DENND1A: variants seen among roughly 807,000 people sequenced by gnomAD.
DENND1A encodes the protein DENN domain containing 1A, also known as DENN domain-containing protein 1A.
In DENND1A, 51 loss-of-function variants were observed where a neutral mutation model predicts 113.7. The observed-to-expected ratio is 0.45, with a 90% CI of 0.36 to 0.57. The LOEUF is 0.57. DENND1A is among the 20% of genes least tolerant of loss of function. DENND1A has a pLI of 0.00. For synonymous variants in DENND1A, 565 were observed against 570.8 expected (o/e 0.99, Z 0.14); for missense variants, 1,258 against 1,395.9 (o/e 0.90, Z 1.57).
chr9:123,765,472 G>A (rs985699268), intron 4 of DENND1A, among the ~76,000 whole-genome samples: 1 of 152,088 alleles, frequency 6.6e-6, no homozygotes, highest in African/African-American at 2.4e-5. Context: ...TTGCATCTGG[G>A]GTTACATCCT....
intron 13 of DENND1A, among the ~76,000 whole-genome samples, chr9:123,494,624 C>T (rs2051694679): frequency 6.6e-6 from 1 of 152,110 alleles, no homozygotes. Flanking sequence ...CCAGATCATC[C>T]CTATTAAAGG....
At chr9:123,541,426 T>C (rs2056282134) in intron 13 of DENND1A, among the ~76,000 whole-genome samples, 1 of 152,172 alleles carries the variant, frequency 6.6e-6, no homozygotes, top group African/African-American at 2.4e-5. Flanking sequence ...GAACAGATAA[T>C]GACCTTTTAA....
At chr9:123,591,424 G>A (rs545228514) in intron 11 of DENND1A, among the ~76,000 whole-genome samples, 80 of 152,236 alleles carry the variant, frequency 5.3e-4, no homozygotes, top group Non-Finnish European at 7.9e-4. Flanking sequence ...GCAGCACTCA[G>A]CCGGGTTGGG....
Position 123,381,625 on chromosome 9 carries a change from T to G in DENND1A, c.3020A>C (p.Asp1007Ala), listed in dbSNP as rs1160381588. 1.9e-6 allele frequency: 3 copies of G among 1,610,384 alleles called. No individual in the cohort carries two copies. Among genetic ancestry groups the G allele is most frequent in the Non-Finnish European group, 8.5e-7 (1 of 1,179,070 alleles). Residue 1007 changes from aspartate to alanine, a missense_variant, in exon 24 of 24, where the codon GAC becomes GCC. Around this residue, in one of 2 missense-constraint regions of DENND1A, gnomAD observed 1,159 missense variants for 1,231.7 expected, o/e 0.94. Coordinates refer to ENST00000394215, the MANE Select transcript of DENND1A (RefSeq NM_001352964.2). The surrounding 1 kb of genome is among the most constrained non-coding windows in gnomAD (Gnocchi z 4.7). The stretch of plus-strand genomic sequence containing the variant: ...GGGCCTGGGAGGCAGAAGCGGGGGG[T>G]CTCCAGGCCTCAGGGCCAGCCCCTG... ...TKQGLALRPG[D>A]PPLLPPRPPQ...
chr9:123,888,253 G>T (rs1849386709), intron 1 of DENND1A, among the ~76,000 whole-genome samples: 1 of 152,198 alleles, frequency 6.6e-6, no homozygotes, highest in African/African-American at 2.4e-5. Context: ...AAGCCTGAAA[G>T]GGCTTCCACT....
At chr9:123,858,231 T>C (rs1284466518) in intron 2 of DENND1A, among the ~76,000 whole-genome samples, 1 of 152,210 alleles carries the variant, frequency 6.6e-6, no homozygotes, top group Non-Finnish European at 1.5e-5. Context: ...TGATACCACA[T>C]TGTGGTTGTG....
In DENND1A at chr9:123,878,217, AT is replaced by A. The variant is rs1164479607; in HGVS notation, c.88+733del. On this transcript the variant is annotated intron_variant, in intron 2 of 23. Coordinates refer to ENST00000394215, the MANE Select transcript of DENND1A (RefSeq NM_001352964.2). The stretch of plus-strand genomic sequence containing the variant: ...AAACTCCATCTCAAAAAAAAAAAAA[AT>A]AATATTATTATATGCAGGTGTTTTT... Among the ~76,000 whole-genome samples, 141 of 151,152 alleles carry A rather than the reference AT, an allele frequency of 9.3e-4. 1 individual carries two copies. The East Asian group carries it at 0.015, about 16-fold the overall frequency.
chr9:123,466,251 C>T (rs976757040), intron 13 of DENND1A, among the ~76,000 whole-genome samples: 1 of 152,146 alleles, frequency 6.6e-6, no homozygotes, highest in Admixed American at 6.5e-5. Flanking sequence ...CTTGCCTCAG[C>T]CTCCCAAAAT....
chr9:123,397,492 T>C (rs2043194108), intron 21 of DENND1A, among the ~76,000 whole-genome samples: 1 of 152,122 alleles, frequency 6.6e-6, no homozygotes, highest in South Asian at 2.1e-4. Flanking sequence ...TTTATATTAA[T>C]GAAAACCTGG....
At chr9:123,689,278 G>A (rs2065017005) in intron 5 of DENND1A, among the ~76,000 whole-genome samples, 1 of 152,122 alleles carries the variant, frequency 6.6e-6, no homozygotes. Context: ...ACCTGCCTTG[G>A]CCTCCCAAAG....
chr9:123,452,856 C>A (rs1019314462), intron 16 of DENND1A, among the ~76,000 whole-genome samples: 1 of 152,084 alleles, frequency 6.6e-6, no homozygotes, highest in African/African-American at 2.4e-5. Flanking sequence ...CCTTGGTTTT[C>A]TGTGGTGTTT....
At chr9:123,494,381 T>C (rs1222899446) in intron 13 of DENND1A, among the ~76,000 whole-genome samples, 1 of 152,158 alleles carries the variant, frequency 6.6e-6, no homozygotes, top group African/African-American at 2.4e-5. Flanking sequence ...ACCTGGGCCA[T>C]CTATGAAGCT....
At chr9:123,643,601 T>A (rs1198867922) in intron 9 of DENND1A, among the ~76,000 whole-genome samples, 2 of 152,214 alleles carry the variant, frequency 1.3e-5, no homozygotes, top group Non-Finnish European at 2.9e-5. Flanking sequence ...CTGCAATATA[T>A]GAACCCTGAA....
intron 21 of DENND1A, among the ~76,000 whole-genome samples, chr9:123,396,860 G>A (rs918792476): frequency 4.6e-5 from 7 of 152,196 alleles, no homozygotes; most frequent in Non-Finnish European, 1.0e-4. Flanking sequence ...TCCAGTTCTG[G>A]TGAGGGTATA....
intron 4 of DENND1A, among the ~76,000 whole-genome samples, chr9:123,767,688 G>A (rs529511321): frequency 6.6e-6 from 1 of 152,292 alleles, no homozygotes; most frequent in South Asian, 2.1e-4. Flanking sequence ...GCACATGTGT[G>A]TTGGTGGGGA....
intron 12 of DENND1A, among the ~76,000 whole-genome samples, chr9:123,565,527 G>A (rs541327295): frequency 6.6e-6 from 1 of 152,266 alleles, no homozygotes; most frequent in East Asian, 1.9e-4. Context: ...AGGTGTGGAG[G>A]GGCAACAGAG....
At position 123,627,863 on chromosome 9, in the gene DENND1A, G is replaced by A. The variant is rs183977074; in HGVS notation, c.719+2513C>T. ...AGAGGGGGCTGAGTGAGCTTCAGAC[G>A]GTTAATGACACAGGTGTCACCCTGC... On this transcript the variant is annotated intron_variant, in intron 10 of 23. Coordinates refer to ENST00000394215, the MANE Select transcript of DENND1A (RefSeq NM_001352964.2). Among the ~76,000 whole-genome samples the A allele has an allele frequency of 9.2e-5, 14 of 152,272 alleles. No homozygotes were observed. The East Asian group carries it at 2.7e-3, about 29-fold the overall frequency.
At chr9:123,428,472 T>C (rs999218863) in intron 19 of DENND1A, among the ~76,000 whole-genome samples, 3 of 152,144 alleles carry the variant, frequency 2.0e-5, no homozygotes, top group Non-Finnish European at 4.4e-5. Flanking sequence ...ACTGGTAACA[T>C]TCCCCTTGAA....
intron 2 of DENND1A, among the ~76,000 whole-genome samples, chr9:123,812,721 ACT>A (rs1836821416): frequency 6.6e-6 from 1 of 151,710 alleles, no homozygotes; most frequent in African/African-American, 2.4e-5. Context: ...TTTTTAAATG[ACT>A]CTTAACTACT....
Sources: allele counts gnomAD v4.1 joint callset (sites outside exome capture counted in the v4.1 genomes callset), GRCh38; gene constraint gnomAD v4.1.1; regional missense constraint gnomAD v4.1.1; non-coding constraint Gnocchi (gnomAD v3.1); transcripts MANE v1.5; gene names NCBI Gene and HGNC (gene_info 2026-07-23, HGNC 2026-07-21).